Variants in FANCB observed in about 807,000 individuals in gnomAD.
FANCB encodes FA complementation group B, also known as Fanconi anemia group B protein.
In FANCB, 5 loss-of-function variants were observed where a neutral mutation model predicts 38.9. The observed-to-expected ratio is 0.13, with a 90% CI of 0.07 to 0.27. The LOEUF is 0.27. FANCB is among the 10% of genes least tolerant of loss of function. The pLI, the probability that FANCB is intolerant of heterozygous loss-of-function variation, is 1.00. For synonymous variants in FANCB, 236 were observed against 215.4 expected, an observed-to-expected ratio of 1.10 and a Z score of -0.84; for missense variants, 573 against 602.7, an observed-to-expected ratio of 0.95 and a Z score of 0.52.
chrX:14,824,295 T>C, the FANCB span, among the ~76,000 whole-genome samples: 1 of 111,721 alleles, frequency 9.0e-6, no homozygotes, highest in Non-Finnish European at 1.9e-5. Context: ...CTTAACTTAT[T>C]GCTGTCAGGT....
intron 10 of FANCB, among the ~76,000 whole-genome samples, chrX:14,836,483 T>C (rs2092341425): frequency 8.9e-6 from 1 of 112,634 alleles, no homozygotes; most frequent in Admixed American, 9.4e-5. Flanking sequence ...TTTGCTTTAA[T>C]GTACATGCAT....
the FANCB span, among the ~76,000 whole-genome samples, chrX:14,802,190 A>T: frequency 1.6e-3 from 180 of 111,932 alleles, no homozygotes; most frequent in Non-Finnish European, 2.7e-3. Flanking sequence ...TTCTTAAAAG[A>T]CAACTAGGAG....
chrX:14,777,916 T>C, the FANCB span, among the ~76,000 whole-genome samples: 1 of 112,148 alleles, frequency 8.9e-6, no homozygotes, highest in Non-Finnish European at 1.9e-5. Flanking sequence ...ATAAGATATA[T>C]GTGAGTTCTC....
At chrX:14,779,887 C>G in the FANCB span, among the ~76,000 whole-genome samples, 1 of 110,839 alleles carries the variant, frequency 9.0e-6, no homozygotes, top group African/African-American at 3.4e-5. Flanking sequence ...CCACATGAAA[C>G]AGAATTGCTA....
At chrX:14,714,332 G>C in the FANCB span, among the ~76,000 whole-genome samples, 1 of 111,226 alleles carries the variant, frequency 9.0e-6, no homozygotes, top group Non-Finnish European at 1.9e-5. Flanking sequence ...AGTGGGTAAA[G>C]GCCATGTAGG....
chrX:14,802,745 G>A, the FANCB span, among the ~76,000 whole-genome samples: 1 of 111,888 alleles, frequency 8.9e-6, no homozygotes, highest in Non-Finnish European at 1.9e-5. Flanking sequence ...GATAACCCCC[G>A]ATGCTTCTTG....
chrX:14,717,051 T>TGACG, the FANCB span, among the ~76,000 whole-genome samples: 1 of 111,472 alleles, frequency 9.0e-6, no homozygotes, highest in South Asian at 3.8e-4. Context: ...ACAACAAATC[T>TGACG]GACGTGTCCA....
At chrX:14,789,343 C>T in the FANCB span, among the ~76,000 whole-genome samples, 1 of 111,305 alleles carries the variant, frequency 9.0e-6, no homozygotes, top group African/African-American at 3.3e-5. Flanking sequence ...TAGGCCAGTA[C>T]GGTGGCTCAC....
downstream of FANCB, chrX:14,834,814 AATC>A (rs200344130): frequency 6.4e-3 from 3,577 of 554,828 alleles, 19 homozygotes; most frequent in Non-Finnish European, 8.9e-3. Flanking sequence ...TCATCATCAA[AATC>A]ATCATCATCA....
Position 14,850,608 on chromosome X carries a change from A to T in FANCB, c.1393T>A (p.Ser465Thr). Residue 465 changes from serine (S) to threonine (T), a missense_variant, in exon 7 of 10, where the codon TCA becomes ACA. Ser to Thr is a moderately conservative substitution (Grantham distance 58, BLOSUM62 1). Coordinates refer to ENST00000650831, the MANE Select transcript of FANCB (RefSeq NM_001018113.3). Reference sequence around the variant, plus strand: ...TGTTCTGAATCTTGAAAATTGTCTGATAACTTTTCATCTAAGATATGGACA... The same window carrying T: ...TGTTCTGAATCTTGAAAATTGTCTGTTAACTTTTCATCTAAGATATGGACA... Reference protein sequence around the residue: ...NSVHILDEKLSDNFQDSEQLV... With the variant: ...NSVHILDEKLTDNFQDSEQLV... The T allele has an allele frequency of 8.4e-7, 1 of 1,185,744 alleles. No individual in the cohort carries two copies. Among genetic ancestry groups the T allele is most frequent in the Non-Finnish European group, 1.1e-6 (1 of 872,148 alleles).
the FANCB span, among the ~76,000 whole-genome samples, chrX:14,742,669 C>T: frequency 9.0e-6 from 1 of 111,713 alleles, no homozygotes; most frequent in Non-Finnish European, 1.9e-5. Flanking sequence ...AAGTCTATTC[C>T]TTTGTGGTCT....
At chrX:14,753,539 G>A in the FANCB span, among the ~76,000 whole-genome samples, 12 of 111,743 alleles carry the variant, frequency 1.1e-4, no homozygotes, top group African/African-American at 3.9e-4. Context: ...GGTTGGGCCA[G>A]GTTGGCTAAA....
chrX:14,693,794 C>G, the FANCB span, among the ~76,000 whole-genome samples: 9 of 111,769 alleles, frequency 8.1e-5, no homozygotes, highest in East Asian at 2.5e-3. Flanking sequence ...TAGAACATCT[C>G]TATAAATTGG....
chrX:14,704,953 T>C, the FANCB span, among the ~76,000 whole-genome samples: 3 of 112,071 alleles, frequency 2.7e-5, no homozygotes, highest in African/African-American at 9.7e-5. Context: ...GCTGTGGCAA[T>C]TCCCAGGAAG....
intron 3 of FANCB, among the ~76,000 whole-genome samples, chrX:14,862,846 G>C (rs910236252): frequency 2.7e-5 from 3 of 111,614 alleles, no homozygotes; most frequent in African/African-American, 9.8e-5. Context: ...GGCTCAGTTG[G>C]GATTCAAACC....
chrX:14,778,209 G>C, the FANCB span, among the ~76,000 whole-genome samples: 2 of 111,805 alleles, frequency 1.8e-5, no homozygotes, highest in Non-Finnish European at 3.8e-5. Flanking sequence ...GATTTCTTTA[G>C]TCCAGTGATT....
the FANCB span, among the ~76,000 whole-genome samples, chrX:14,766,925 A>G: frequency 1.8e-5 from 2 of 111,528 alleles, no homozygotes; most frequent in Non-Finnish European, 1.9e-5. Flanking sequence ...ACTCCCACTT[A>G]TAAGTGAGAA....
At chrX:14,869,405 C>A (rs138021589) in intron 1 of FANCB, among the ~76,000 whole-genome samples, 272 of 111,699 alleles carry the variant, frequency 2.4e-3, no homozygotes, top group Middle Eastern at 9.3e-3. Context: ...AAGTTAGGCT[C>A]CTTACATTCT....
the FANCB span, among the ~76,000 whole-genome samples, chrX:14,712,512 A>G: frequency 9.0e-5 from 10 of 111,466 alleles, no homozygotes; most frequent in African/African-American, 2.6e-4. Context: ...AATTGAAAAA[A>G]AAAAAACTAT....
Sources: allele counts gnomAD v4.1 joint callset (sites outside exome capture counted in the v4.1 genomes callset), GRCh38; gene constraint gnomAD v4.1.1; transcripts MANE v1.5; gene names NCBI Gene and HGNC (gene_info 2026-07-23, HGNC 2026-07-21).